The following LMCD1 variants were observed in gnomAD, a reference collection of about 807,000 sequenced individuals.
The protein encoded by LMCD1 is LIM and cysteine rich domains 1, also known as LIM and cysteine-rich domains protein 1.
LMCD1 carries 32 observed loss-of-function variants against 42.7 expected under a neutral mutation model. The observed-to-expected ratio is 0.75, with a 90% confidence interval of 0.57 to 1.01. LMCD1 has a LOEUF of 1.01. LMCD1 is among the 50% of genes least tolerant of loss of function. LMCD1 has a pLI of 0.00. For synonymous variants in LMCD1, 178 were observed against 184.9 expected, an observed-to-expected ratio of 0.96 and a Z score of 0.30; for missense variants, 458 against 483.1, an observed-to-expected ratio of 0.95 and a Z score of 0.49.
intron 1 of LMCD1, among the ~76,000 whole-genome samples, chr3:8,528,922 A>G (rs926854756): frequency 1.3e-5 from 2 of 152,146 alleles, no homozygotes; most frequent in Admixed American, 6.5e-5. Context: ...ATAATATCAA[A>G]TGAACCACAT....
rs1331014552 is a variant in LMCD1, at chr3:8,570,987, G to C, written c.*3389G>C. On this transcript the variant is annotated 3_prime_UTR_variant, in exon 6 of 6. Coordinates refer to ENST00000157600, the MANE Select transcript of LMCD1 (RefSeq NM_014583.4). ...GTTTAATTGCTGCCTCTGCTGGGGGGCTGCAATAGCTGAGTGGGATTCTGT... is the reference window on the plus strand; with the variant it reads ...GTTTAATTGCTGCCTCTGCTGGGGGCCTGCAATAGCTGAGTGGGATTCTGT... 6.6e-6 allele frequency: 1 copy of C among 152,124 alleles called. No individual in the cohort carries two copies. Among genetic ancestry groups the C allele is most frequent in the African/African-American group, 2.4e-5 (1 of 41,428 alleles). 9.4% of individuals were successfully genotyped at this position (152,124 alleles called of 1,614,324 possible). A position where few individuals can be genotyped will look rare whatever the true frequency, so the allele number is the denominator to read the frequency against.
At chr3:8,510,884 A>C (rs1444962167) in intron 1 of LMCD1, among the ~76,000 whole-genome samples, 1 of 152,236 alleles carries the variant, frequency 6.6e-6, no homozygotes, top group Non-Finnish European at 1.5e-5. Context: ...AGAACCTAAA[A>C]ATATAAAGAC....
In LMCD1 at chr3:8,565,467, C is replaced by G. The variant is rs1456030433; in HGVS notation, c.759C>G (p.Asp253Glu). The G allele has an allele frequency of 1.2e-6, 2 of 1,614,200 alleles. No individual in the cohort carries two copies. Among genetic ancestry groups the G allele is most frequent in the Non-Finnish European group, 1.7e-6 (2 of 1,180,038 alleles). Residue 253 changes from aspartate (D) to glutamate (E), a missense_variant, in exon 5 of 6, where the codon GAC becomes GAG. By Grantham distance (45) the Asp-to-Glu change is conservative. Coordinates refer to ENST00000157600, the MANE Select transcript of LMCD1 (RefSeq NM_014583.4). ...TCTGCAAGGGAGCGGCCCCTCCTGA[C>G]AGCCCCGTGGTCTACTCGGACAGGG... Reference protein sequence around the residue: ...CELCKGAAPPDSPVVYSDRAG... With the variant: ...CELCKGAAPPESPVVYSDRAG...
intron 3 of LMCD1, among the ~76,000 whole-genome samples, chr3:8,543,063 C>G (rs1694658708): frequency 6.6e-6 from 1 of 152,180 alleles, no homozygotes; most frequent in African/African-American, 2.4e-5. Flanking sequence ...CTAGTCAGGC[C>G]TGATCCCCAC....
intron 1 of LMCD1, among the ~76,000 whole-genome samples, chr3:8,514,645 C>T (rs1262718802): frequency 6.6e-6 from 1 of 152,088 alleles, no homozygotes; most frequent in African/African-American, 2.4e-5. Context: ...ATAAACCAAT[C>T]ATTTTATATT....
Position 8,543,378 on chromosome 3 carries a change from TGATAGATAGATAGATAGATGATAGATA to T in LMCD1, c.388-5170_388-5144del, listed in dbSNP as rs1174421550. 4.1e-3 allele frequency among the ~76,000 whole-genome samples: 373 copies of T among 91,450 alleles called. 2 individuals carry two copies. The highest frequency in any genetic ancestry group is 5.4e-3 in the African/African-American group (144 of 26,600). 60.0% of individuals were successfully genotyped at this position (91,450 alleles called of 152,430 possible). A position where few individuals can be genotyped will look rare whatever the true frequency, so the allele number is the denominator to read the frequency against. On this transcript the variant is annotated intron_variant, in intron 3 of 5. Coordinates refer to ENST00000157600, the MANE Select transcript of LMCD1 (RefSeq NM_014583.4). ...CCCAGGAGAAACTGTTTTAAACTGCTGATAGATAGATAGATAGATGATAGATAGATAGATAGATAGATAGATAGATAG... is the reference window on the plus strand; with the variant it reads ...CCCAGGAGAAACTGTTTTAAACTGCTGATAGATAGATAGATAGATAGATAG...
At chr3:8,514,876 C>T in intron 1 of LMCD1, 1 of 451,794 alleles carries the variant, frequency 2.2e-6, no homozygotes, top group Non-Finnish European at 4.5e-6. Flanking sequence ...TAGAAAGTGG[C>T]CTGAGGGAAC....
chr3:8,567,498 TTGTC>T lies in LMCD1; in HGVS notation c.1002_1005del (p.Cys335ArgfsTer7). ...GATCTGGCCTGGCACCGAAAGCACT[TTGTC>T]TGTGAGGGTTGTGAGCAGCTGCTGA... On this transcript the variant is annotated frameshift_variant, in exon 6 of 6. Transcript: ENST00000157600. LOFTEE classifies it high-confidence loss of function. The T allele has an allele frequency of 6.2e-7, 1 of 1,613,928 alleles. No individual in the cohort carries two copies. Among genetic ancestry groups the T allele is most frequent in the Non-Finnish European group, 8.5e-7 (1 of 1,179,978 alleles).
At chr3:8,541,125 C>T (rs776072580) in intron 3 of LMCD1, among the ~76,000 whole-genome samples, 5 of 152,166 alleles carry the variant, frequency 3.3e-5, no homozygotes, top group Non-Finnish European at 5.9e-5. Flanking sequence ...ACTGCCTAAT[C>T]CAGGGTACAG....
intron 1 of LMCD1, among the ~76,000 whole-genome samples, chr3:8,515,793 T>C (rs1559345656): frequency 6.6e-6 from 1 of 151,938 alleles, no homozygotes; most frequent in African/African-American, 2.4e-5. Flanking sequence ...GAGCGGGGGA[T>C]ACAAAAACAA....
intron 4 of LMCD1, among the ~76,000 whole-genome samples, chr3:8,554,462 C>T (rs1200825550): frequency 6.6e-6 from 1 of 152,178 alleles, no homozygotes; most frequent in Non-Finnish European, 1.5e-5. Flanking sequence ...GCTCAGCCCA[C>T]TGAGCATTTG....
intron 4 of LMCD1, chr3:8,550,564 C>T (rs946493528): frequency 5.3e-5 from 52 of 985,116 alleles, no homozygotes; most frequent in East Asian, 1.1e-4. Flanking sequence ...AACCAAGAAA[C>T]TGTTTTATCT....
Position 8,502,569 on chromosome 3 carries a change from TACACACACACACACACAC to T in LMCD1, c.42+610_42+627del, listed in dbSNP as rs5846600. On this transcript the variant is annotated intron_variant, in intron 1 of 5. Coordinates refer to ENST00000157600, the MANE Select transcript of LMCD1 (RefSeq NM_014583.4). The stretch of plus-strand genomic sequence containing the variant: ...CCAGTGTTTTGTGTGTTTCCCCCAA[TACACACACACACACACAC>T]ACACACACACACACACACACGCACG... Among the ~76,000 whole-genome samples, 159 of 134,424 alleles carry T rather than the reference TACACACACACACACACAC, an allele frequency of 1.2e-3. 1 individual carries two copies. Among genetic ancestry groups the T allele is most frequent in the Middle Eastern group, 3.6e-3 (1 of 276 alleles). The allele number at this position is 134,424 out of a possible 152,430, so 88.2% of individuals were successfully genotyped here. A position where few individuals can be genotyped will look rare whatever the true frequency, so the allele number is the denominator to read the frequency against.
rs1385514238 is a variant in LMCD1 at position 8,532,666 on chromosome 3, T to C, written c.43-71T>C. The C allele has an allele frequency of 2.2e-6, 3 of 1,362,256 alleles. No homozygotes were observed. In the African/African-American group the frequency reaches 4.3e-5, roughly 19 times the overall value. 84.4% of individuals were successfully genotyped at this position (1,362,256 alleles called of 1,614,324 possible). A position where few individuals can be genotyped will look rare whatever the true frequency, so the allele number is the denominator to read the frequency against. Reference sequence around the variant, plus strand: ...AGTCCCTTTGCCAGCACGCCAAGTCTTTTAGAGGTCAAGCATCTCCGGTCC... The same window carrying C: ...AGTCCCTTTGCCAGCACGCCAAGTCCTTTAGAGGTCAAGCATCTCCGGTCC... On this transcript the variant is annotated intron_variant, in intron 1 of 5. Coordinates refer to ENST00000157600, the MANE Select transcript of LMCD1 (RefSeq NM_014583.4).
chr3:8,551,285 A>G, intron 4 of LMCD1: 1 of 985,436 alleles, frequency 1.0e-6, no homozygotes, highest in East Asian at 1.1e-4. Flanking sequence ...TGAAAGTTTG[A>G]ACTTAAGCCT....
Position 8,568,984 on chromosome 3 carries a change from C to G in LMCD1, c.*1386C>G, listed in dbSNP as rs1277424660. 2 of 152,178 alleles carry G rather than the reference C, an allele frequency of 1.3e-5. No individual in the cohort carries two copies. The highest frequency in any genetic ancestry group is 2.9e-5 in the Non-Finnish European group (2 of 68,058). 9.4% of individuals were successfully genotyped at this position (152,178 alleles called of 1,614,324 possible). A position where few individuals can be genotyped will look rare whatever the true frequency, so the allele number is the denominator to read the frequency against. On this transcript the variant is annotated 3_prime_UTR_variant, in exon 6 of 6. Coordinates refer to ENST00000157600, the MANE Select transcript of LMCD1 (RefSeq NM_014583.4). ...TCACCAAAGCCATTGCTATATCCTC[C>G]CAAGGCAGTGGTTTTCTGCTCCCAG...
rs1694833580 is a variant in LMCD1, at chr3:8,551,238, T to C, written c.723+2335T>C. The C allele has an allele frequency of 7.1e-6, 7 of 983,852 alleles. No individual in the cohort carries two copies. In the Admixed American group the frequency reaches 3.7e-4, roughly 52 times the overall value. The allele number at this position is 983,852 out of a possible 1,614,324, so 60.9% of individuals were successfully genotyped here. On this transcript the variant is annotated intron_variant, in intron 4 of 5. Coordinates refer to ENST00000157600, the MANE Select transcript of LMCD1 (RefSeq NM_014583.4). ...GTTCATCTCTTTATTTGCATTGATA[T>C]ACATAGCCATTGCTCAATAAATATG...
chr3:8,519,708 G>A (rs1321107474), intron 1 of LMCD1, among the ~76,000 whole-genome samples: 2 of 150,020 alleles, frequency 1.3e-5, no homozygotes, highest in African/African-American at 2.5e-5. Flanking sequence ...ACCAAAAAGT[G>A]TATTTAGTGT....
chr3:8,558,600 T>C (rs746719024), intron 4 of LMCD1, among the ~76,000 whole-genome samples: 4 of 152,220 alleles, frequency 2.6e-5, no homozygotes, highest in Non-Finnish European at 5.9e-5. Flanking sequence ...ACAACTGATA[T>C]GCTAATTATA....
Sources: gnomAD v4.1 joint callset for allele counts (sites outside exome capture counted in the v4.1 genomes callset) on GRCh38, gnomAD v4.1.1 for gene constraint, MANE v1.5 for transcripts, NCBI Gene and HGNC (gene_info 2026-07-23, HGNC 2026-07-21) for gene names.